CSMD1: variants seen among roughly 807,000 people sequenced by gnomAD.
CSMD1 encodes the protein CUB and sushi domain-containing protein 1.
Under a neutral mutation model 417.5 loss-of-function variants are expected in CSMD1, and 213 were observed. That is an observed-to-expected ratio of 0.51 (90% CI 0.46 to 0.57). The LOEUF is 0.57. CSMD1 is among the 20% of genes least tolerant of loss of function. The pLI is 0.00. For missense variants in CSMD1, 6,923 were observed against 4,529.7 expected, an observed-to-expected ratio of 1.53 and a Z score of -15.17; for synonymous variants, 2,862 against 1,736.8, an observed-to-expected ratio of 1.65 and a Z score of -16.11.
rs565974347 is a variant in CSMD1, at chr8:4,583,024, C to T, written c.302+54318G>A. ...TCCCCCAGCAGTGCCAGCCCACCGG[C>T]GCTGTGCTCGACTTCTCACCCGGCG... On this transcript the variant is annotated intron_variant, in intron 2 of 69. Transcript: ENST00000635120. Among the ~76,000 whole-genome samples, 15 of 152,324 alleles carry T rather than the reference C, an allele frequency of 9.8e-5. No individual in the cohort carries two copies. The South Asian group carries it at 1.5e-3, about 15-fold the overall frequency.
intron 5 of CSMD1, among the ~76,000 whole-genome samples, chr8:3,877,954 G>T (rs892404887): frequency 2.0e-5 from 3 of 151,726 alleles, no homozygotes; most frequent in Admixed American, 1.3e-4. Flanking sequence ...CTACATCAAG[G>T]TCATGCAAAG....
intron 17 of CSMD1, among the ~76,000 whole-genome samples, chr8:3,390,597 C>T (rs1335960541): frequency 6.6e-6 from 1 of 151,908 alleles, no homozygotes; most frequent in Non-Finnish European, 1.5e-5. Context: ...GTTCCCACTC[C>T]TTCTTACTTG....
chr8:3,194,040 T>C (rs567214344), intron 33 of CSMD1, among the ~76,000 whole-genome samples: 1 of 152,218 alleles, frequency 6.6e-6, no homozygotes, highest in Non-Finnish European at 1.5e-5. Flanking sequence ...ATTTTCTCTC[T>C]CAAAATCATT....
chr8:3,881,324 G>A (rs563680431), intron 5 of CSMD1, among the ~76,000 whole-genome samples: 4 of 150,494 alleles, frequency 2.7e-5, no homozygotes, highest in South Asian at 4.2e-4. Context: ...AAAGAAGACT[G>A]AATATATAGA....
chr8:4,415,583 T>G (rs1002923048), intron 3 of CSMD1, among the ~76,000 whole-genome samples: 8 of 152,178 alleles, frequency 5.3e-5, no homozygotes, highest in African/African-American at 1.9e-4. Flanking sequence ...AGTGTTCTGT[T>G]TGATTGTTTC....
intron 5 of CSMD1, among the ~76,000 whole-genome samples, chr8:3,970,566 G>A (rs761295486): frequency 5.3e-5 from 8 of 152,130 alleles, no homozygotes; most frequent in Non-Finnish European, 1.0e-4. Context: ...ATTTGCAACG[G>A]AAATGTTGTT....
intron 18 of CSMD1, among the ~76,000 whole-genome samples, chr8:3,375,806 G>A (rs1053648447): frequency 1.3e-5 from 2 of 152,052 alleles, no homozygotes; most frequent in Non-Finnish European, 2.9e-5. Flanking sequence ...ACCAGCACTC[G>A]AGGCATTTGA....
intron 3 of CSMD1, among the ~76,000 whole-genome samples, chr8:4,202,736 A>C (rs1033970242): frequency 6.6e-6 from 1 of 152,248 alleles, no homozygotes; most frequent in Non-Finnish European, 1.5e-5. Flanking sequence ...TTACTTAATA[A>C]CTAAGTGTTA....
intron 51 of CSMD1, among the ~76,000 whole-genome samples, chr8:3,027,938 C>A (rs1810061040): frequency 6.6e-6 from 1 of 152,180 alleles, no homozygotes; most frequent in Admixed American, 6.5e-5. Flanking sequence ...AGAAGGCTCT[C>A]CACTGTACGT....
chr8:4,209,716 C>T (rs912224450), intron 3 of CSMD1, among the ~76,000 whole-genome samples: 3 of 152,194 alleles, frequency 2.0e-5, no homozygotes, highest in Non-Finnish European at 2.9e-5. Flanking sequence ...CTTTTATTGA[C>T]TGAAGCAGCA....
intron 23 of CSMD1, among the ~76,000 whole-genome samples, chr8:3,313,444 G>C (rs918882844): frequency 6.6e-6 from 1 of 152,266 alleles, no homozygotes; most frequent in Non-Finnish European, 1.5e-5. Flanking sequence ...ATCAAAAAGT[G>C]GGTGAAGGAT....
intron 20 of CSMD1, among the ~76,000 whole-genome samples, chr8:3,365,871 A>G (rs1809531018): frequency 6.6e-6 from 1 of 152,214 alleles, no homozygotes; most frequent in Non-Finnish European, 1.5e-5. Flanking sequence ...CATCTTACTT[A>G]TGAGTAACTC....
intron 1 of CSMD1, among the ~76,000 whole-genome samples, chr8:4,737,993 G>A (rs1313589377): frequency 6.6e-6 from 1 of 152,142 alleles, no homozygotes; most frequent in Non-Finnish European, 1.5e-5. Flanking sequence ...AGTAATGATA[G>A]CATATCCTTT....
Position 3,308,978 on chromosome 8 carries a change from C to G in CSMD1, c.3632-475G>C, listed in dbSNP as rs187302462. Among the ~76,000 whole-genome samples, 478 of 152,218 alleles carry G rather than the reference C, an allele frequency of 3.1e-3. 3 individuals carry two copies. Among genetic ancestry groups the G allele is most frequent in the Non-Finnish European group, 5.0e-3 (337 of 68,006 alleles). On this transcript the variant is annotated intron_variant, in intron 23 of 69. Transcript: ENST00000635120. Reference sequence around the variant, plus strand: ...GACTTCAGGCAATCCACCCCCTCAGCCTCCCAAAGTGCTGGGATTACAGGC... The same window carrying G: ...GACTTCAGGCAATCCACCCCCTCAGGCTCCCAAAGTGCTGGGATTACAGGC...
chr8:4,700,176 T>C (rs957379421), intron 1 of CSMD1, among the ~76,000 whole-genome samples: 1 of 152,154 alleles, frequency 6.6e-6, no homozygotes, highest in African/African-American at 2.4e-5. Context: ...CAGTTCATGT[T>C]TATGAAACAA....
intron 10 of CSMD1, among the ~76,000 whole-genome samples, chr8:3,501,505 T>G (rs1796599426): frequency 6.6e-6 from 1 of 152,224 alleles, no homozygotes; most frequent in Non-Finnish European, 1.5e-5. Context: ...ACCAAGACCC[T>G]ACATCTTGGA....
At chr8:3,002,899 G>T (rs998706244) in intron 52 of CSMD1, among the ~76,000 whole-genome samples, 10 of 152,150 alleles carry the variant, frequency 6.6e-5, no homozygotes, top group African/African-American at 2.2e-4. Context: ...GAAAACAGAG[G>T]ATGTCCTTCA....
chr8:4,134,048 G>C (rs1803271065), intron 3 of CSMD1, among the ~76,000 whole-genome samples: 1 of 152,088 alleles, frequency 6.6e-6, no homozygotes, highest in South Asian at 2.1e-4. Flanking sequence ...AATGAGATTA[G>C]CTATTAATAA....
intron 6 of CSMD1, among the ~76,000 whole-genome samples, chr8:3,710,170 T>A (rs550784869): frequency 6.6e-6 from 1 of 152,152 alleles, no homozygotes; most frequent in African/African-American, 2.4e-5. Flanking sequence ...GTCTGCAAGT[T>A]TTTTGTTTTT....
Sources: allele counts gnomAD v4.1 joint callset (sites outside exome capture counted in the v4.1 genomes callset), GRCh38; gene constraint gnomAD v4.1.1; transcripts MANE v1.5; gene names NCBI Gene and HGNC (gene_info 2026-07-23, HGNC 2026-07-21).